FRMPD1: variants seen among roughly 807,000 people sequenced by gnomAD.
The protein encoded by FRMPD1 is FERM and PDZ domain-containing protein 1.
FRMPD1 carries 76 observed loss-of-function variants against 117.8 expected under a neutral mutation model. The ratio of observed to expected loss-of-function variants is 0.65; its 90% confidence interval spans 0.54 to 0.78. The LOEUF (loss-of-function observed/expected upper bound fraction) is 0.78. Ranked by LOEUF, FRMPD1 falls within the 30% of genes least tolerant of loss-of-function variation. FRMPD1 has a pLI of 0.00. For missense variants in FRMPD1, 1,786 were observed against 1,964.5 expected (o/e 0.91, Z 1.72); for synonymous variants, 783 against 770.4 (o/e 1.02, Z -0.27).
chr9:37,623,688 TG>T, the FRMPD1 span, among the ~76,000 whole-genome samples: 1 of 152,054 alleles, frequency 6.6e-6, no homozygotes, highest in Non-Finnish European at 1.5e-5. Flanking sequence ...AGAAATGATA[TG>T]ATTAGAATTG....
rs1554670030 is a variant in FRMPD1 at position 37,740,470 on chromosome 9, A to G, written c.1942A>G (p.Ser648Gly). Residue 648 changes from serine to glycine, a missense_variant, in exon 15 of 16, where the codon AGC becomes GGC. By Grantham distance (56) the Ser-to-Gly change is moderately conservative. Transcript: ENST00000377765. This position sits in a 1 kb window ranked among gnomAD's most constrained non-coding sequence, Gnocchi z 4.2. ...TGACTCTGACAGCCAGGAGGAGAGA[A>G]GCGGGATTGAAACCAGTGGCTTCCT... Reference protein sequence around the residue: ...SIDSDSQEERSGIETSGFLCL... With the variant: ...SIDSDSQEERGGIETSGFLCL... 1.2e-6 allele frequency: 2 copies of G among 1,614,190 alleles called. No individual in the cohort carries two copies. The highest frequency in any genetic ancestry group is 8.5e-7 in the Non-Finnish European group (1 of 1,180,016).
intron 11 of FRMPD1, 34 bp from the exon 12 acceptor site, chr9:37,733,696 C>A: frequency 4.4e-6 from 7 of 1,580,426 alleles, no homozygotes; most frequent in Non-Finnish European, 6.1e-6. Context: ...CAATGAATAA[C>A]TCTGACTTCA....
upstream of FRMPD1, among the ~76,000 whole-genome samples, chr9:37,646,216 C>G (rs12350998): frequency 0.018 from 2,743 of 152,286 alleles, 90 homozygotes; most frequent in African/African-American, 0.062. Flanking sequence ...TAAGAACATA[C>G]AGTTTATGTG....
At chr9:37,638,198 C>G in the FRMPD1 span, among the ~76,000 whole-genome samples, 1 of 151,864 alleles carries the variant, frequency 6.6e-6, no homozygotes, top group African/African-American at 2.4e-5. Context: ...CTCAGCCTCC[C>G]GAGTAGCTGG....
At chr9:37,624,138 A>G in the FRMPD1 span, among the ~76,000 whole-genome samples, 19,518 of 152,228 alleles carry the variant, frequency 0.13, 1,442 homozygotes, top group East Asian at 0.2. Flanking sequence ...GAATAGTACC[A>G]GTTTCTAGTG....
At chr9:37,715,705 G>A (rs974235433) in intron 5 of FRMPD1, 7 of 456,098 alleles carry the variant, frequency 1.5e-5, no homozygotes, top group Admixed American at 1.2e-4. Context: ...TTTATAATAT[G>A]TTCTAGATGC....
the FRMPD1 span, among the ~76,000 whole-genome samples, chr9:37,629,657 C>T: frequency 2.6e-5 from 4 of 152,174 alleles, no homozygotes; most frequent in Non-Finnish European, 5.9e-5. Flanking sequence ...TACTGGACCT[C>T]TTTATACTTA....
At chr9:37,723,463 C>T (rs1823484195) in intron 6 of FRMPD1, among the ~76,000 whole-genome samples, 1 of 152,168 alleles carries the variant, frequency 6.6e-6, no homozygotes, top group South Asian at 2.1e-4. Context: ...CAAGAAAGAA[C>T]CCCTGACATG....
At position 37,685,005 on chromosome 9, in the gene FRMPD1, C is replaced by T. The variant is rs111388051; in HGVS notation, c.-4-7633C>T. On this transcript the variant is annotated intron_variant, in intron 1 of 15. Coordinates refer to ENST00000377765, the MANE Select transcript of FRMPD1 (RefSeq NM_014907.3). Reference sequence around the variant, plus strand: ...CTGGGCTTAAGCAATCCTCCCTGCTCAGCCTCCCAAAGTGCTTGGATTACA... The same window carrying T: ...CTGGGCTTAAGCAATCCTCCCTGCTTAGCCTCCCAAAGTGCTTGGATTACA... Among the ~76,000 whole-genome samples the T allele has an allele frequency of 6.3e-3, 953 of 152,226 alleles. 9 individuals carry two copies. Among genetic ancestry groups the T allele is most frequent in the African/African-American group, 0.022 (905 of 41,532 alleles).
chr9:37,701,962 A>G (rs1410422864), intron 2 of FRMPD1, among the ~76,000 whole-genome samples: 1 of 152,156 alleles, frequency 6.6e-6, no homozygotes, highest in Non-Finnish European at 1.5e-5. Context: ...TTTGAAGGAT[A>G]AGAGTGGAGG....
the FRMPD1 span, among the ~76,000 whole-genome samples, chr9:37,603,659 T>C: frequency 8.6e-5 from 13 of 150,908 alleles, no homozygotes; most frequent in Non-Finnish European, 1.9e-4. Flanking sequence ...TGTTTTGTTT[T>C]GTTTTGTTTT....
the FRMPD1 span, among the ~76,000 whole-genome samples, chr9:37,614,339 C>T: frequency 2.0e-5 from 3 of 152,180 alleles, no homozygotes; most frequent in Admixed American, 6.5e-5. Flanking sequence ...TGGGAAATAA[C>T]ATGGGGAAGG....
rs531498194 is a variant in FRMPD1 at position 37,698,549 on chromosome 9, C to CTT, written c.101+5836_101+5837dup. On this transcript the variant is annotated intron_variant, in intron 2 of 15. Transcript: ENST00000377765. ...ACAATAGTATTATGCATCTCATTAT[C>CTT]TTTTTTTTTTTTTTTTTTTTTTTTT... Among the ~76,000 whole-genome samples the CTT allele has an allele frequency of 3.7e-3, 276 of 74,592 alleles. 32 individuals carry two copies. Among genetic ancestry groups the CTT allele is most frequent in the African/African-American group, 0.012 (175 of 14,958 alleles). 48.9% of individuals were successfully genotyped at this position (74,592 alleles called of 152,430 possible).
At chr9:37,629,113 C>A in the FRMPD1 span, among the ~76,000 whole-genome samples, 1 of 152,142 alleles carries the variant, frequency 6.6e-6, no homozygotes, top group South Asian at 2.1e-4. Context: ...GCAGGAGAAT[C>A]GCTTGAACTC....
At chr9:37,650,828 C>G (rs1349132832), upstream of FRMPD1, among the ~76,000 whole-genome samples, 2 of 149,008 alleles carry the variant, frequency 1.3e-5, no homozygotes, top group East Asian at 3.9e-4. Context: ...GGCTCCTCCC[C>G]CGGGGCGGGG....
chr9:37,706,752 C>T (rs778031767), intron 2 of FRMPD1, among the ~76,000 whole-genome samples: 1 of 152,124 alleles, frequency 6.6e-6, no homozygotes, highest in Non-Finnish European at 1.5e-5. Context: ...CAAAATTCAT[C>T]ATAAAGAAAC....
At chr9:37,681,969 A>G (rs377374333) in intron 1 of FRMPD1, among the ~76,000 whole-genome samples, 63 of 152,318 alleles carry the variant, frequency 4.1e-4, no homozygotes, top group African/African-American at 1.5e-3. Flanking sequence ...GTGATTGGGG[A>G]ACCTGGTGAA....
At chr9:37,640,994 C>T in the FRMPD1 span, among the ~76,000 whole-genome samples, 1 of 152,206 alleles carries the variant, frequency 6.6e-6, no homozygotes, top group African/African-American at 2.4e-5. Flanking sequence ...CTCAAGCCAT[C>T]CTCCCGCCTC....
rs762549033 is a variant in FRMPD1 at position 37,733,611 on chromosome 9, G to T, written c.1122+12G>T. The T allele has an allele frequency of 2.5e-6, 4 of 1,613,450 alleles. No individual in the cohort carries two copies. In the South Asian group the frequency reaches 4.4e-5, roughly 18 times the overall value. ...AACCCCGACAGAAGGTAATGAAGGT[G>T]CCTCTGCCGACCCACTCAGCTGTCG... On this transcript the variant is annotated intron_variant, in intron 11 of 15. Coordinates refer to ENST00000377765, the MANE Select transcript of FRMPD1 (RefSeq NM_014907.3).
Sources: allele counts gnomAD v4.1 joint callset (sites outside exome capture counted in the v4.1 genomes callset), GRCh38; gene constraint gnomAD v4.1.1; non-coding constraint Gnocchi (gnomAD v3.1); transcripts MANE v1.5; gene names NCBI Gene and HGNC (gene_info 2026-07-23, HGNC 2026-07-21).